Variants in SORCS2 observed in about 807,000 individuals in gnomAD.
SORCS2 encodes the protein sortilin related VPS10 domain containing receptor 2.
Under a neutral mutation model 141.6 loss-of-function variants are expected in SORCS2, and 100 were observed. That is an observed-to-expected ratio of 0.71 (90% confidence interval 0.60 to 0.83). The LOEUF is 0.83. Among genes scored for constraint, SORCS2 ranks in the 40% least tolerant of loss-of-function variants. The pLI is 0.00. For missense variants in SORCS2, 1,646 were observed against 1,560.2 expected (o/e 1.05, Z -0.93); for synonymous variants, 789 against 676.9 (o/e 1.17, Z -2.57).
intron 2 of SORCS2, among the ~76,000 whole-genome samples, chr4:7,419,227 C>T (rs76930175): frequency 1.1e-4 from 16 of 152,248 alleles, no homozygotes; most frequent in Non-Finnish European, 2.2e-4. Context: ...GAGGCTAGTT[C>T]CCAACTGCTG....
chr4:7,611,887 T>G (rs1718427545), intron 3 of SORCS2, among the ~76,000 whole-genome samples: 1 of 152,240 alleles, frequency 6.6e-6, no homozygotes. Flanking sequence ...CAGACAGGCT[T>G]GCCGAGCCCT....
chr4:7,491,897 A>G (rs2109402660), intron 2 of SORCS2, among the ~76,000 whole-genome samples: 1 of 152,324 alleles, frequency 6.6e-6, no homozygotes, highest in South Asian at 2.1e-4. Context: ...GGGAAGGCAG[A>G]CAGCAGGGGC....
At chr4:7,405,180 T>C (rs866878356) in intron 2 of SORCS2, among the ~76,000 whole-genome samples, 2 of 152,212 alleles carry the variant, frequency 1.3e-5, no homozygotes, top group African/African-American at 2.4e-5. Flanking sequence ...GTGGCTTTAT[T>C]TCTGGGTTCT....
At chr4:7,315,991 A>G (rs945523832) in intron 1 of SORCS2, among the ~76,000 whole-genome samples, 1 of 151,990 alleles carries the variant, frequency 6.6e-6, no homozygotes, top group East Asian at 1.9e-4. Flanking sequence ...CCATCCATCC[A>G]TTCATATATT....
At position 7,715,216 on chromosome 4, in the gene SORCS2, G is replaced by A; in HGVS notation, c.2157G>A (p.Glu719=). Reference sequence around the variant, plus strand: ...GATTTGAGCGCTCCTCCTCCTCAGAGTCCAGCACCAACAAGTGCTCTGCCA... The same window carrying A: ...GATTTGAGCGCTCCTCCTCCTCAGAATCCAGCACCAACAAGTGCTCTGCCA... ...DYGFERSSSS[E]SSTNKCSANF... The change falls in exon 17 of 27, where the codon GAG becomes GAA. Residue 719 remains glutamate, a synonymous_variant. Coordinates refer to ENST00000507866, the MANE Select transcript of SORCS2 (RefSeq NM_020777.3). 6.2e-7 allele frequency: 1 copy of A among 1,613,956 alleles called. No individual in the cohort carries two copies. Among genetic ancestry groups the A allele is most frequent in the South Asian group, 1.1e-5 (1 of 91,076 alleles).
chr4:7,253,405 C>T (rs779676070), intron 1 of SORCS2, among the ~76,000 whole-genome samples: 75 of 152,128 alleles, frequency 4.9e-4, no homozygotes, highest in African/African-American at 1.7e-3. Flanking sequence ...AGCAGTGACA[C>T]GGGCCGTCCC....
chr4:7,275,731 A>G (rs563765675), intron 1 of SORCS2, among the ~76,000 whole-genome samples: 5 of 149,606 alleles, frequency 3.3e-5, no homozygotes, highest in African/African-American at 4.8e-5. Flanking sequence ...CAAGCAGACT[A>G]AGTAAACAGT....
At chr4:7,248,213 A>G (rs963491884) in intron 1 of SORCS2, among the ~76,000 whole-genome samples, 1 of 152,158 alleles carries the variant, frequency 6.6e-6, no homozygotes, top group Non-Finnish European at 1.5e-5. Context: ...CCATGATCGC[A>G]TGGGGTCCTT....
At chr4:7,714,949 C>G (rs1204024388) in intron 16 of SORCS2, among the ~76,000 whole-genome samples, 3 of 152,202 alleles carry the variant, frequency 2.0e-5, no homozygotes, top group African/African-American at 7.2e-5. Context: ...CTCACCTCCT[C>G]CAGGCAGCCC....
intron 3 of SORCS2, among the ~76,000 whole-genome samples, chr4:7,552,337 C>A (rs999799104): frequency 1.3e-5 from 2 of 152,104 alleles, no homozygotes; most frequent in African/African-American, 4.8e-5. Context: ...TGTCTCTGTC[C>A]CCTGGGGCAC....
intron 1 of SORCS2, among the ~76,000 whole-genome samples, chr4:7,274,482 G>C (rs1715355696): frequency 6.6e-6 from 1 of 152,190 alleles, no homozygotes; most frequent in East Asian, 1.9e-4. Context: ...TACAATCATG[G>C]TGGAAGGCAA....
intron 1 of SORCS2, among the ~76,000 whole-genome samples, chr4:7,294,751 T>C (rs1553829967): frequency 2.0e-4 from 5 of 24,708 alleles, no homozygotes; most frequent in Admixed American, 4.2e-4. Context: ...TCCTCTCTCT[T>C]CTCCCCAGCT....
At chr4:7,590,433 T>A (rs1716839980) in intron 3 of SORCS2, among the ~76,000 whole-genome samples, 1 of 152,172 alleles carries the variant, frequency 6.6e-6, no homozygotes, top group Admixed American at 6.5e-5. Flanking sequence ...TCAGGTCCTC[T>A]CCCAGGGAGA....
In SORCS2 at chr4:7,729,704, A is replaced by C. The variant is rs759247093; in HGVS notation, c.3100A>C (p.Ser1034Arg). 1 of 1,611,100 alleles carries C rather than the reference A, an allele frequency of 6.2e-7. No individual in the cohort carries two copies. Among genetic ancestry groups the C allele is most frequent in the East Asian group, 2.2e-5 (1 of 44,790 alleles). The change falls in exon 23 of 27, where the codon AGT becomes CGT. Residue 1034 changes from serine to arginine, a missense_variant. Coordinates refer to ENST00000507866, the MANE Select transcript of SORCS2 (RefSeq NM_020777.3). ...GCCCACAAGGAAGAGGAGCCTCTCG[A>C]GTGATAAGGTATGTCCTGTGGCCGC... Reference protein sequence around the residue: ...PRPTRKRSLSSDKRLAAIQQV... With the variant: ...PRPTRKRSLSRDKRLAAIQQV...
At chr4:7,385,694 T>A (rs367996106) in intron 1 of SORCS2, among the ~76,000 whole-genome samples, 1 of 152,216 alleles carries the variant, frequency 6.6e-6, no homozygotes, top group Non-Finnish European at 1.5e-5. Context: ...GCCACCACCG[T>A]TCCCATGTGG....
At position 7,661,486 on chromosome 4, in the gene SORCS2, C is replaced by G. The variant is rs1436716336; in HGVS notation, c.888-14C>G. ...ACTCCATTCCCGACCCCAGCCTCAG[C>G]TCTTCTTTTCCAGGTCTGTGTCTGG... On this transcript the variant is annotated splice_polypyrimidine_tract_variant and intron_variant, in intron 5 of 26. Transcript: ENST00000507866. 1 of 1,551,414 alleles carries G rather than the reference C, an allele frequency of 6.4e-7. No individual in the cohort carries two copies. Among genetic ancestry groups the G allele is most frequent in the African/African-American group, 1.4e-5 (1 of 73,004 alleles).
chr4:7,716,718 C>G (rs1055813620), intron 17 of SORCS2, among the ~76,000 whole-genome samples: 1 of 151,474 alleles, frequency 6.6e-6, no homozygotes, highest in Non-Finnish European at 1.5e-5. Context: ...TACTTATCTA[C>G]CCATCTGTCT....
chr4:7,542,378 C>T (rs1025766634), intron 3 of SORCS2, among the ~76,000 whole-genome samples: 11 of 152,104 alleles, frequency 7.2e-5, no homozygotes, highest in African/African-American at 2.7e-4. Flanking sequence ...GAGGTCATTT[C>T]CAACATGACT....
intron 23 of SORCS2, among the ~76,000 whole-genome samples, chr4:7,730,517 T>C (rs1386637030): frequency 6.6e-6 from 1 of 152,196 alleles, no homozygotes; most frequent in African/African-American, 2.4e-5. Context: ...AAGAAACAAA[T>C]TGTGGTCCAA....
Sources: allele counts gnomAD v4.1 joint callset (sites outside exome capture counted in the v4.1 genomes callset), GRCh38; gene constraint gnomAD v4.1.1; transcripts MANE v1.5; gene names NCBI Gene and HGNC (gene_info 2026-07-23, HGNC 2026-07-21).